Variants in MAPKAP1 observed in about 807,000 individuals in gnomAD.
The protein encoded by MAPKAP1 is MAPK associated protein 1.
MAPKAP1 carries 20 observed loss-of-function variants against 65.7 expected under a neutral mutation model. The observed-to-expected ratio is 0.30, with a 90% confidence interval of 0.21 to 0.44. MAPKAP1 has a LOEUF of 0.44. Ranked by LOEUF, MAPKAP1 falls within the 20% of genes least tolerant of loss-of-function variation. The pLI, the probability that MAPKAP1 is intolerant of heterozygous loss-of-function variation, is 1.00. For synonymous variants in MAPKAP1, 222 were observed against 244.3 expected (o/e 0.91, Z 0.85); for missense variants, 423 against 648.0 (o/e 0.65, Z 3.77).
intron 5 of MAPKAP1, among the ~76,000 whole-genome samples, chr9:125,584,916 C>T (rs1387372802): frequency 6.6e-6 from 1 of 152,116 alleles, no homozygotes; most frequent in African/African-American, 2.4e-5. Flanking sequence ...TCAAGCACTA[C>T]ATTTTAAATA....
intron 7 of MAPKAP1, among the ~76,000 whole-genome samples, chr9:125,528,917 C>T (rs964340357): frequency 6.8e-6 from 1 of 147,554 alleles, no homozygotes; most frequent in Non-Finnish European, 1.5e-5. Context: ...GTGATCCCAG[C>T]ACTTTGGGAG....
chr9:125,547,415 G>A (rs370855680), intron 6 of MAPKAP1, among the ~76,000 whole-genome samples: 15 of 152,188 alleles, frequency 9.9e-5, no homozygotes, highest in African/African-American at 3.4e-4. Context: ...TAACGGAGAT[G>A]TTGCTGTAAC....
At chr9:125,665,161 A>AG (rs1316791207) in intron 3 of MAPKAP1, among the ~76,000 whole-genome samples, 1 of 152,092 alleles carries the variant, frequency 6.6e-6, no homozygotes, top group African/African-American at 2.4e-5. Flanking sequence ...TTAAAAAATT[A>AG]GCCAAGCATG....
intron 1 of MAPKAP1, among the ~76,000 whole-genome samples, chr9:125,689,113 G>GCTTACA (rs1835077806): frequency 6.6e-6 from 1 of 152,052 alleles, no homozygotes; most frequent in Non-Finnish European, 1.5e-5. Context: ...TCAAGCAAGG[G>GCTTACA]GTTAAAGACA....
At chr9:125,475,325 C>A (rs1424900176) in intron 9 of MAPKAP1, among the ~76,000 whole-genome samples, 2 of 152,224 alleles carry the variant, frequency 1.3e-5, no homozygotes, top group African/African-American at 4.8e-5. Context: ...TTAAGGCACC[C>A]AAAATAGATG....
chr9:125,571,869 A>C (rs1371885445), intron 5 of MAPKAP1, among the ~76,000 whole-genome samples: 1 of 152,124 alleles, frequency 6.6e-6, no homozygotes, highest in Admixed American at 6.5e-5. Flanking sequence ...ATCTCAAAAT[A>C]AATAAATAAA....
In MAPKAP1 at chr9:125,444,598, C is replaced by T; in HGVS notation, c.1346G>A (p.Ser449Asn). 1 of 1,609,584 alleles carries T rather than the reference C, an allele frequency of 6.2e-7. No individual in the cohort carries two copies. The highest frequency in any genetic ancestry group is 8.5e-7 in the Non-Finnish European group (1 of 1,176,672). Residue 449 changes from serine to asparagine, a missense_variant and splice_region_variant, in exon 11 of 12, where the codon AGT (serine) becomes AAT (asparagine). Coordinates refer to ENST00000265960, the MANE Select transcript of MAPKAP1 (RefSeq NM_001006617.3). ...ATACGTGAGTTTAAATATTGCGTGA[C>T]CTGCAGAGACAGAAAACTGTGTTGA... Reference protein sequence around the residue: ...ACDLAEEKSPSHAIFKLTYLS... With the variant: ...ACDLAEEKSPNHAIFKLTYLS...
At chr9:125,531,007 C>T (rs1829918604) in intron 7 of MAPKAP1, among the ~76,000 whole-genome samples, 1 of 152,226 alleles carries the variant, frequency 6.6e-6, no homozygotes. Context: ...ACAGAAAAGA[C>T]AACTGAGGTC....
At chr9:125,672,168 C>T in intron 2 of MAPKAP1, 148 bp downstream of exon 2, 1 of 805,574 alleles carries the variant, frequency 1.2e-6, no homozygotes, top group Non-Finnish European at 1.9e-6. Flanking sequence ...GGAGATGTTG[C>T]TCAGACTCAC....
chr9:125,668,398 GGCT>G (rs1160755143), intron 3 of MAPKAP1, among the ~76,000 whole-genome samples: 5 of 152,202 alleles, frequency 3.3e-5, no homozygotes, highest in Admixed American at 1.3e-4. Flanking sequence ...ACGAGGTAGA[GGCT>G]GCTATTAGTA....
intron 1 of MAPKAP1, among the ~76,000 whole-genome samples, chr9:125,682,499 C>T (rs1834853779): frequency 6.6e-6 from 1 of 152,144 alleles, no homozygotes; most frequent in Non-Finnish European, 1.5e-5. Flanking sequence ...ACCTAACCAC[C>T]CACCACCCCC....
chr9:125,513,521 A>C (rs1291544818), intron 7 of MAPKAP1, among the ~76,000 whole-genome samples: 2 of 152,210 alleles, frequency 1.3e-5, no homozygotes, highest in African/African-American at 4.8e-5. Context: ...GTGCCATGAG[A>C]GGGAGTAACG....
chr9:125,674,036 A>G (rs892084503), intron 1 of MAPKAP1, among the ~76,000 whole-genome samples: 13 of 152,206 alleles, frequency 8.5e-5, no homozygotes, highest in Admixed American at 8.5e-4. Context: ...GAAAATACTC[A>G]ACAAAGAAAA....
intron 7 of MAPKAP1, among the ~76,000 whole-genome samples, chr9:125,516,062 A>AACCTAAGGT (rs1274516190): frequency 2.0e-5 from 3 of 152,214 alleles, no homozygotes; most frequent in African/African-American, 7.2e-5. Flanking sequence ...GGTTCAAATG[A>AACCTAAGGT]TCAATTTCCT....
At chr9:125,662,060 G>A (rs1418200251) in intron 3 of MAPKAP1, among the ~76,000 whole-genome samples, 5 of 152,100 alleles carry the variant, frequency 3.3e-5, no homozygotes, top group South Asian at 2.1e-4. Flanking sequence ...AAATATGAAC[G>A]ATAATCGGAT....
intron 4 of MAPKAP1, among the ~76,000 whole-genome samples, chr9:125,651,848 A>C (rs1833903049): frequency 6.6e-6 from 1 of 152,168 alleles, no homozygotes; most frequent in African/African-American, 2.4e-5. Flanking sequence ...GGGGTAAAGG[A>C]GAAGGAAGTA....
intron 10 of MAPKAP1, 117 bp from the exon 11 acceptor site, chr9:125,444,715 C>A (rs1852635391): frequency 1.5e-6 from 1 of 661,946 alleles, no homozygotes; most frequent in East Asian, 2.8e-5. Flanking sequence ...CTGAGCAGCA[C>A]CTAGTCTTCC....
chr9:125,664,069 A>C (rs1267360332), intron 3 of MAPKAP1, among the ~76,000 whole-genome samples: 2 of 152,184 alleles, frequency 1.3e-5, no homozygotes, highest in Non-Finnish European at 2.9e-5. Flanking sequence ...GATTTCGGCC[A>C]GGTGCGGTGG....
At chr9:125,527,087 T>C (rs1199798405) in intron 7 of MAPKAP1, among the ~76,000 whole-genome samples, 2 of 151,620 alleles carry the variant, frequency 1.3e-5, no homozygotes, top group Admixed American at 6.6e-5. Flanking sequence ...TTTTGGGGGA[T>C]GTAGTCTCAC....
Sources: allele counts gnomAD v4.1 joint callset (sites outside exome capture counted in the v4.1 genomes callset), GRCh38; gene constraint gnomAD v4.1.1; transcripts MANE v1.5; gene names NCBI Gene and HGNC (gene_info 2026-07-23, HGNC 2026-07-21).